The following MARCHF11 variants were observed in gnomAD, a reference collection of about 807,000 sequenced individuals.
MARCHF11 encodes the protein membrane associated ring-CH-type finger 11, also known as E3 ubiquitin-protein ligase MARCHF11.
A neutral mutation model predicts 37.3 loss-of-function variants in MARCHF11; 29 were observed. The observed-to-expected ratio is 0.78, with a 90% CI of 0.58 to 1.06. MARCHF11 has a LOEUF of 1.06. Ranked by LOEUF, MARCHF11 falls within the 50% of genes least tolerant of loss-of-function variation. The pLI, the probability that MARCHF11 is intolerant of heterozygous loss-of-function variation, is 0.00. For synonymous variants in MARCHF11, 233 were observed against 228.0 expected (o/e 1.02, Z -0.20); for missense variants, 482 against 533.4 (o/e 0.90, Z 0.95).
chr5:16,090,116 G>T (rs1038559846), intron 3 of MARCHF11, among the ~76,000 whole-genome samples: 1 of 152,066 alleles, frequency 6.6e-6, no homozygotes, highest in Non-Finnish European at 1.5e-5. Flanking sequence ...GCAGGAAAAT[G>T]CTCCCAATGC....
chr5:16,119,236 G>A (rs1017178651), intron 2 of MARCHF11, among the ~76,000 whole-genome samples: 3 of 151,888 alleles, frequency 2.0e-5, no homozygotes, highest in East Asian at 1.9e-4. Flanking sequence ...GGTGACTCAC[G>A]CCTGTAATTG....
chr5:16,090,894 C>A lies in MARCHF11; in HGVS notation c.881G>T (p.Cys294Phe). The part of the protein sequence containing the change: ...YGMYGFMDLV[C>F]IGLIVHEGAA... ...GTTGAAGGTCATGGTCTTACCTATG[C>A]ACACTAGATCCATAAAACCATACAT... The change falls in exon 3 of 4, where the codon TGC (cysteine) becomes TTC (phenylalanine). Residue 294 changes from cysteine (C) to phenylalanine (F), a missense_variant. By Grantham distance (205) the Cys-to-Phe change is radical. Coordinates refer to ENST00000332432, the MANE Select transcript of MARCHF11 (RefSeq NM_001102562.3). 6.3e-7 allele frequency: 1 copy of A among 1,586,564 alleles called. No individual in the cohort carries two copies. Among genetic ancestry groups the A allele is most frequent in the Non-Finnish European group, 8.6e-7 (1 of 1,166,664 alleles).
chr5:16,107,428 C>T (rs1405836717), intron 2 of MARCHF11, among the ~76,000 whole-genome samples: 1 of 151,788 alleles, frequency 6.6e-6, no homozygotes, highest in African/African-American at 2.4e-5. Context: ...ACGTCTTTGA[C>T]AAAAATTTTG....
At chr5:16,153,378 G>A (rs1348577440) in intron 2 of MARCHF11, among the ~76,000 whole-genome samples, 2 of 151,876 alleles carry the variant, frequency 1.3e-5, no homozygotes, top group African/African-American at 4.8e-5. Flanking sequence ...ACAGGAAGTG[G>A]GCTTATATCT....
In MARCHF11 at chr5:16,177,811, C is replaced by T; in HGVS notation, c.608G>A (p.Trp203Ter). Residue 203 changes from tryptophan (W) to a stop codon, truncating the protein, a stop_gained, in exon 2 of 4, where the codon TGG (tryptophan) becomes TAG (stop). Transcript: ENST00000332432. LOFTEE classifies it high-confidence loss of function. ...RYTHQLCLLKWISERGSWTCE... is the reference protein window; with the variant it reads ...RYTHQLCLLK ...GGTCCAGGAACCTCTCTCACTGATC[C>T]ATTTTAGCAGGCACAGCTGATGTGT... 6.2e-7 allele frequency: 1 copy of T among 1,613,676 alleles called. No individual in the cohort carries two copies. Among genetic ancestry groups the T allele is most frequent in the South Asian group, 1.1e-5 (1 of 91,034 alleles).
chr5:16,139,104 C>G (rs111653443), intron 2 of MARCHF11, among the ~76,000 whole-genome samples: 7,162 of 152,106 alleles, frequency 0.047, 233 homozygotes, highest in Non-Finnish European at 0.071. Flanking sequence ...TTGGGAAGGG[C>G]CAGAGGCAGA....
intron 2 of MARCHF11, among the ~76,000 whole-genome samples, chr5:16,109,319 C>T (rs1737098315): frequency 6.6e-6 from 1 of 152,178 alleles, no homozygotes; most frequent in Non-Finnish European, 1.5e-5. Flanking sequence ...TTTAGCCCCG[C>T]TTCCTGAACT....
chr5:16,138,052 C>CAAT (rs1737636608), intron 2 of MARCHF11, among the ~76,000 whole-genome samples: 1 of 152,174 alleles, frequency 6.6e-6, no homozygotes, highest in Admixed American at 6.5e-5. Context: ...ACACCCATTT[C>CAAT]TGAGGAGCAA....
At chr5:16,119,871 T>C (rs1205012751) in intron 2 of MARCHF11, among the ~76,000 whole-genome samples, 1 of 152,206 alleles carries the variant, frequency 6.6e-6, no homozygotes, top group East Asian at 1.9e-4. Context: ...CAATGCAGAA[T>C]GCAATGAAGT....
At chr5:16,097,509 A>C (rs925733836) in intron 2 of MARCHF11, among the ~76,000 whole-genome samples, 3 of 152,214 alleles carry the variant, frequency 2.0e-5, no homozygotes, top group Non-Finnish European at 2.9e-5. Context: ...TAAATGAAAG[A>C]GGAATATAAT....
intron 3 of MARCHF11, among the ~76,000 whole-genome samples, chr5:16,080,094 T>A (rs756672527): frequency 6.6e-6 from 1 of 152,218 alleles, no homozygotes; most frequent in East Asian, 1.9e-4. Flanking sequence ...CTCATTTAAC[T>A]GTGTCCTTTG....
At position 16,156,685 on chromosome 5, in the gene MARCHF11, G is replaced by A. The variant is rs188514822; in HGVS notation, c.693+21041C>T. On this transcript the variant is annotated intron_variant, in intron 2 of 3. Transcript: ENST00000332432. Reference sequence around the variant, plus strand: ...TTGCTTAATGATGAGGATATCTTCTGAAAAATGTGTCATTAAGTGATTTCG... The same window carrying A: ...TTGCTTAATGATGAGGATATCTTCTAAAAAATGTGTCATTAAGTGATTTCG... Among the ~76,000 whole-genome samples, 6 of 151,950 alleles carry A rather than the reference G, an allele frequency of 3.9e-5. No homozygotes were observed. In the East Asian group the frequency reaches 1.2e-3, roughly 30 times the overall value.
In MARCHF11 at chr5:16,090,966, T is replaced by TAGGG; in HGVS notation, c.805_808dup (p.Tyr270SerfsTer33). ...GATGTCCTTCCTCTGCCACACTGCA[T>TAGGG]AGGGGCTGAAGGCTGACCAGAGGAG... On this transcript the variant is annotated frameshift_variant, in exon 3 of 4. Transcript: ENST00000332432. LOFTEE classifies it high-confidence loss of function. 1.2e-6 allele frequency: 2 copies of TAGGG among 1,611,920 alleles called. No homozygotes were observed. The highest frequency in any genetic ancestry group is 1.7e-6 in the Non-Finnish European group (2 of 1,179,502).
intron 2 of MARCHF11, among the ~76,000 whole-genome samples, chr5:16,151,424 T>G (rs1737885273): frequency 6.6e-6 from 1 of 151,966 alleles, no homozygotes; most frequent in South Asian, 2.1e-4. Flanking sequence ...TTGCACATTT[T>G]ATACTCACAC....
chr5:16,087,847 T>C (rs1736724631), intron 3 of MARCHF11, among the ~76,000 whole-genome samples: 1 of 152,216 alleles, frequency 6.6e-6, no homozygotes, highest in African/African-American at 2.4e-5. Flanking sequence ...TCTCCAAATC[T>C]TAACTTCTAT....
rs963418915 is a variant in MARCHF11, at chr5:16,138,237, A to G, written c.693+39489T>C. 7.2e-5 allele frequency among the ~76,000 whole-genome samples: 11 copies of G among 152,304 alleles called. No individual in the cohort carries two copies. The East Asian group carries it at 2.1e-3, about 29-fold the overall frequency. ...ACATCAGCGGAGCTCAGGGCCCCCT[A>G]CTGTGTGCAGTTTTGAGACTTGGCG... is the stretch of plus-strand genomic sequence containing the variant. On this transcript the variant is annotated intron_variant, in intron 2 of 3. Coordinates refer to ENST00000332432, the MANE Select transcript of MARCHF11 (RefSeq NM_001102562.3).
chr5:16,094,533 G>A (rs1736834828), intron 2 of MARCHF11, among the ~76,000 whole-genome samples: 1 of 152,010 alleles, frequency 6.6e-6, no homozygotes, highest in African/African-American at 2.4e-5. Context: ...GTGTGTGTGT[G>A]CGCATGTGTG....
intron 2 of MARCHF11, among the ~76,000 whole-genome samples, chr5:16,162,187 A>G (rs1472617579): frequency 6.6e-6 from 1 of 151,982 alleles, no homozygotes; most frequent in African/African-American, 2.4e-5. Flanking sequence ...CTCAGAATCC[A>G]GAATCCATTT....
At chr5:16,115,920 C>A (rs1367617807) in intron 2 of MARCHF11, among the ~76,000 whole-genome samples, 1 of 152,126 alleles carries the variant, frequency 6.6e-6, no homozygotes, top group African/African-American at 2.4e-5. Flanking sequence ...AGCCACCATG[C>A]CCGGGTGCTT....
Sources: gnomAD v4.1 joint callset for allele counts (sites outside exome capture counted in the v4.1 genomes callset) on GRCh38, gnomAD v4.1.1 for gene constraint, MANE v1.5 for transcripts, NCBI Gene and HGNC (gene_info 2026-07-23, HGNC 2026-07-21) for gene names.